Variants in KIAA1217 observed in about 807,000 individuals in gnomAD.
The protein encoded by KIAA1217 is sickle tail protein homolog.
In KIAA1217, 88 loss-of-function variants were observed where a neutral mutation model predicts 163.9. The ratio of observed to expected loss-of-function variants is 0.54; its 90% CI spans 0.45 to 0.64. The LOEUF (loss-of-function observed/expected upper bound fraction) is 0.64, where lower values mean the gene tolerates loss of function less well. KIAA1217 is among the 30% of genes least tolerant of loss of function. The probability of loss-of-function intolerance (pLI) is 0.00; values close to 1 mark genes in which losing one functional copy is unlikely to be tolerated. For synonymous variants in KIAA1217, 903 were observed against 923.1 expected (o/e 0.98, Z 0.39); for missense variants, 2,372 against 2,475.0 (o/e 0.96, Z 0.88).
chr10:23,850,993 C>A (rs568234494), intron 1 of KIAA1217, among the ~76,000 whole-genome samples: 1 of 151,992 alleles, frequency 6.6e-6, no homozygotes, highest in East Asian at 1.9e-4. Context: ...GGCCCCTCTT[C>A]CAATACTGGG....
intron 6 of KIAA1217, among the ~76,000 whole-genome samples, chr10:24,491,415 G>A (rs12775469): frequency 0.49 from 73,436 of 150,048 alleles, 18,036 homozygotes; most frequent in South Asian, 0.56. Flanking sequence ...TCAGCCTCCC[G>A]AGTAGCTGGG....
intron 3 of KIAA1217, among the ~76,000 whole-genome samples, chr10:24,421,818 T>C (rs1277808071): frequency 2.0e-5 from 3 of 152,208 alleles, no homozygotes; most frequent in Non-Finnish European, 2.9e-5. Flanking sequence ...CTGAGATAAA[T>C]TATTTTGGAT....
intron 2 of KIAA1217, among the ~76,000 whole-genome samples, chr10:24,150,098 AC>A (rs2064536030): frequency 6.6e-6 from 1 of 152,072 alleles, no homozygotes. Flanking sequence ...GCTCACTGCA[AC>A]CTCTGTCTCC....
chr10:24,389,626 GA>G (rs1470269980), intron 3 of KIAA1217, among the ~76,000 whole-genome samples: 1 of 151,970 alleles, frequency 6.6e-6, no homozygotes. Flanking sequence ...TCTAGCATCA[GA>G]ACCAGCGCCC....
At position 24,068,897 on chromosome 10, in the gene KIAA1217, T is replaced by C. The variant is rs148932066; in HGVS notation, c.-171+61523T>C. Among the ~76,000 whole-genome samples, 38 of 152,338 alleles carry C rather than the reference T, an allele frequency of 2.5e-4. No individual in the cohort carries two copies. In the South Asian group the frequency reaches 6.6e-3, roughly 27 times the overall value. ...GGAGCTATGGGAAGTTTGTGCATAC[T>C]AGTTTCAACCATCTCCTTTGTTCTC... On this transcript the variant is annotated intron_variant, in intron 2 of 18. Coordinates refer to the KIAA1217 transcript ENST00000376462.
At position 24,531,912 on chromosome 10, in the gene KIAA1217, C is replaced by G; in HGVS notation, c.3165C>G (p.Ser1055Arg). The change falls in exon 15 of 21, where the codon AGC becomes AGG. Residue 1055 changes from serine (S) to arginine (R), a missense_variant. By Grantham distance (110) the Ser-to-Arg change is moderately radical. Transcript: ENST00000376454. ...CTCCTCCGCCACCTCCTCGTCGAAG[C>G]TACCTGCCAGGATCGGGACTCACCA... ...PPPPPPPPRR[S>R]YLPGSGLTTT... 6.2e-7 allele frequency: 1 copy of G among 1,610,838 alleles called. No homozygotes were observed. The highest frequency in any genetic ancestry group is 8.5e-7 in the Non-Finnish European group (1 of 1,178,106).
At chr10:24,245,440 G>A (rs934288102) in intron 2 of KIAA1217, among the ~76,000 whole-genome samples, 1 of 152,140 alleles carries the variant, frequency 6.6e-6, no homozygotes, top group African/African-American at 2.4e-5. Flanking sequence ...TGCCAGAAAG[G>A]GCTCTCTTTG....
intron 2 of KIAA1217, among the ~76,000 whole-genome samples, chr10:24,306,071 A>G (rs2041977475): frequency 6.6e-6 from 1 of 152,202 alleles, no homozygotes; most frequent in African/African-American, 2.4e-5. Flanking sequence ...TCTTATTAAC[A>G]TTTCCTGACT....
chr10:24,366,427 A>G (rs746411091), intron 2 of KIAA1217, among the ~76,000 whole-genome samples: 12 of 152,232 alleles, frequency 7.9e-5, no homozygotes, highest in Non-Finnish European at 1.6e-4. Context: ...CCTGGGCGAC[A>G]AAGTGAGATT....
intron 2 of KIAA1217, among the ~76,000 whole-genome samples, chr10:24,187,935 T>C (rs1589826995): frequency 1.3e-5 from 2 of 148,324 alleles, no homozygotes; most frequent in African/African-American, 5.0e-5. Flanking sequence ...CAGTGGCTGA[T>C]GCCTGTAATC....
At chr10:24,095,269 C>T (rs990205829) in intron 2 of KIAA1217, among the ~76,000 whole-genome samples, 1 of 152,172 alleles carries the variant, frequency 6.6e-6, no homozygotes, top group African/African-American at 2.4e-5. Context: ...TCTGGCACTC[C>T]CTAGTGAGAT....
chr10:24,517,388 C>T (rs943873884), intron 10 of KIAA1217, among the ~76,000 whole-genome samples: 19 of 151,946 alleles, frequency 1.3e-4, no homozygotes, highest in African/African-American at 2.4e-4. Flanking sequence ...TTTAAGGTGA[C>T]GGATATCCCA....
chr10:24,267,815 A>G (rs1162755113), intron 2 of KIAA1217, among the ~76,000 whole-genome samples: 2 of 152,252 alleles, frequency 1.3e-5, no homozygotes, highest in Non-Finnish European at 2.9e-5. Flanking sequence ...GAGTTGGCCT[A>G]GAAACAACTG....
chr10:23,924,183 T>C (rs1393676123), intron 1 of KIAA1217, among the ~76,000 whole-genome samples: 1 of 151,860 alleles, frequency 6.6e-6, no homozygotes, highest in Non-Finnish European at 1.5e-5. Context: ...TTTTTTTTAC[T>C]TTAAGTTCTA....
chr10:24,111,190 T>C (rs527407480), intron 2 of KIAA1217, among the ~76,000 whole-genome samples: 11 of 152,318 alleles, frequency 7.2e-5, no homozygotes, highest in African/African-American at 1.9e-4. Context: ...AAGAATAATA[T>C]CCTGTATTAA....
chr10:24,047,936 A>G (rs372335754), intron 2 of KIAA1217, among the ~76,000 whole-genome samples: 9 of 152,156 alleles, frequency 5.9e-5, no homozygotes, highest in Non-Finnish European at 1.2e-4. Context: ...TTTTCCTAAT[A>G]ATAAGGAGCA....
chr10:24,366,715 G>A (rs1037803173), intron 2 of KIAA1217, among the ~76,000 whole-genome samples: 13 of 152,140 alleles, frequency 8.5e-5, no homozygotes, highest in South Asian at 2.1e-4. Flanking sequence ...CAGTGAGCCC[G>A]GGGCCAGTGA....
At position 24,102,040 on chromosome 10, in the gene KIAA1217, C is replaced by T. The variant is rs530483467; in HGVS notation, c.-171+94666C>T. Among the ~76,000 whole-genome samples the T allele has an allele frequency of 1.4e-4, 21 of 151,996 alleles. 1 individual carries two copies. The highest frequency in any genetic ancestry group is 1.3e-3 in the Admixed American group (20 of 15,264). On this transcript the variant is annotated intron_variant, in intron 2 of 18. Coordinates refer to the KIAA1217 transcript ENST00000376462. ...TTTTTAGAGGCTCAGCTTTATGGTA[C>T]GTGAATTATATCCCAATTTTAAAAA...
chr10:23,890,221 T>C (rs931876314), intron 1 of KIAA1217, among the ~76,000 whole-genome samples: 1 of 151,714 alleles, frequency 6.6e-6, no homozygotes, highest in Admixed American at 6.6e-5. Context: ...TAATTCTCTA[T>C]TTTCATTTAT....
Sources: gnomAD v4.1 joint callset for allele counts (sites outside exome capture counted in the v4.1 genomes callset) on GRCh38, gnomAD v4.1.1 for gene constraint, MANE v1.5 for transcripts, NCBI Gene and HGNC (gene_info 2026-07-23, HGNC 2026-07-21) for gene names.